Variants in SEMA4D observed in about 807,000 individuals in gnomAD.
SEMA4D encodes semaphorin-4D.
Under a neutral mutation model 74.8 loss-of-function variants are expected in SEMA4D, and 22 were observed. The observed-to-expected ratio is 0.29, with a 90% confidence interval of 0.21 to 0.42. The LOEUF (loss-of-function observed/expected upper bound fraction) is 0.42. Among genes scored for constraint, SEMA4D ranks in the 10% least tolerant of loss-of-function variants. SEMA4D has a pLI of 1.00. For missense variants in SEMA4D, 937 were observed against 1,118.4 expected, an observed-to-expected ratio of 0.84 and a Z score of 2.31; for synonymous variants, 445 against 463.7, an observed-to-expected ratio of 0.96 and a Z score of 0.52.
intron 2 of SEMA4D, among the ~76,000 whole-genome samples, chr9:89,449,278 G>C (rs1478627625): frequency 6.6e-6 from 1 of 152,244 alleles, no homozygotes; most frequent in African/African-American, 2.4e-5. Context: ...GCCTGATACG[G>C]TTGTTACAAG....
chr9:89,361,603 ATCG>A (rs1420842494), exon 19 of SEMA4D: 6 of 152,248 alleles, frequency 3.9e-5, no homozygotes, highest in African/African-American at 1.4e-4. Context: ...GACTCATTCC[ATCG>A]TCAAGAAATT....
At position 89,392,299 on chromosome 9, in the gene SEMA4D, C is replaced by G. The variant is rs984860677; in HGVS notation, c.622+124G>C. 5 of 692,128 alleles carry G rather than the reference C, an allele frequency of 7.2e-6. No homozygotes were observed. In the East Asian group the frequency reaches 1.3e-4, roughly 18 times the overall value. The allele number at this position is 692,128 out of a possible 1,614,324, so 42.9% of individuals were successfully genotyped here. ...GCTGGACAGTTTGGGAAGTATCCCC[C>G]ACAAACAGGGGCTAACACAAGCTCG... On this transcript the variant is annotated intron_variant, in intron 8 of 15. Coordinates refer to ENST00000422704, the MANE Select transcript of SEMA4D (RefSeq NM_001371194.2).
chr9:89,400,541 A>G (rs1395363797), intron 4 of SEMA4D, among the ~76,000 whole-genome samples: 2 of 152,216 alleles, frequency 1.3e-5, no homozygotes, highest in East Asian at 3.8e-4. Context: ...GAGTTCCTGA[A>G]CAGCACCCAG....
chr9:89,417,808 G>C (rs1008566426), intron 2 of SEMA4D, among the ~76,000 whole-genome samples: 2 of 152,212 alleles, frequency 1.3e-5, no homozygotes, highest in African/African-American at 4.8e-5. Flanking sequence ...AGAGAGCAGG[G>C]AAGAATAGGG....
intron 2 of SEMA4D, among the ~76,000 whole-genome samples, chr9:89,422,389 C>G (rs532924867): frequency 1.3e-5 from 2 of 152,226 alleles, no homozygotes; most frequent in East Asian, 3.8e-4. Context: ...CCACAGCAAC[C>G]GCACAGGACG....
At chr9:89,470,381 A>G (rs1588120029) in intron 1 of SEMA4D, among the ~76,000 whole-genome samples, 1 of 152,378 alleles carries the variant, frequency 6.6e-6, no homozygotes, top group South Asian at 2.1e-4. Context: ...GCACATGAAA[A>G]GATGTTTTAC....
intron 9 of SEMA4D, among the ~76,000 whole-genome samples, chr9:89,390,694 T>A (rs1839672608): frequency 6.6e-6 from 1 of 152,110 alleles, no homozygotes; most frequent in Non-Finnish European, 1.5e-5. Flanking sequence ...TTTCATGTGG[T>A]TTCCCCCAGC....
At chr9:89,461,376 G>A (rs1034487008) in intron 1 of SEMA4D, among the ~76,000 whole-genome samples, 1 of 152,168 alleles carries the variant, frequency 6.6e-6, no homozygotes, top group Admixed American at 6.5e-5. Context: ...CTGTGAAACT[G>A]AAAAGCGCCC....
At position 89,421,605 on chromosome 9, in the gene SEMA4D, TAC is replaced by T. The variant is rs537281655; in HGVS notation, c.-243-15908_-243-15907del. ...GTGTGTGTGCGTCTATGTGCATGGG[TAC>T]ACACAGATACAGCATAGAACGTTTT... On this transcript the variant is annotated intron_variant, in intron 2 of 15. Coordinates refer to ENST00000422704, the MANE Select transcript of SEMA4D (RefSeq NM_001371194.2). 4.5e-4 allele frequency among the ~76,000 whole-genome samples: 68 copies of T among 152,192 alleles called. 1 individual carries two copies. The highest frequency in any genetic ancestry group is 8.7e-4 in the Non-Finnish European group (59 of 68,034).
At chr9:89,458,143 C>G (rs1856394241) in intron 1 of SEMA4D, among the ~76,000 whole-genome samples, 1 of 152,204 alleles carries the variant, frequency 6.6e-6, no homozygotes, top group Non-Finnish European at 1.5e-5. Flanking sequence ...GGAGCCAGGG[C>G]AAGCCCACCA....
intron 1 of SEMA4D, among the ~76,000 whole-genome samples, chr9:89,464,019 C>G (rs1858020749): frequency 6.6e-6 from 1 of 151,910 alleles, no homozygotes; most frequent in Admixed American, 6.6e-5. Flanking sequence ...GCACTTTCTC[C>G]ACTTTCCACC....
In SEMA4D at chr9:89,377,295, A is replaced by T. The variant is rs1429596699; in HGVS notation, c.*1409T>A. The T allele has an allele frequency of 2.1e-6, 1 of 478,178 alleles. No individual in the cohort carries two copies. Among genetic ancestry groups the T allele is most frequent in the East Asian group, 3.6e-5 (1 of 27,806 alleles). The allele number at this position is 478,178 out of a possible 1,614,324, so 29.6% of individuals were successfully genotyped here. A position where few individuals can be genotyped will look rare whatever the true frequency, so the allele number is the denominator to read the frequency against. Reference sequence around the variant, plus strand: ...TCCAAATGTATACAATTCAAAGTAGAAAAATAAAAACAAGGTAAATCTTAT... The same window carrying T: ...TCCAAATGTATACAATTCAAAGTAGTAAAATAAAAACAAGGTAAATCTTAT... On this transcript the variant is annotated 3_prime_UTR_variant, in exon 16 of 16. Transcript: ENST00000422704.
intron 1 of SEMA4D, among the ~76,000 whole-genome samples, chr9:89,474,777 C>T (rs975861113): frequency 6.6e-6 from 1 of 152,268 alleles, no homozygotes; most frequent in African/African-American, 2.4e-5. Context: ...TCCCACACCA[C>T]CACGTTCCTC....
intron 2 of SEMA4D, among the ~76,000 whole-genome samples, chr9:89,452,061 T>A (rs937897874): frequency 6.6e-6 from 1 of 151,924 alleles, no homozygotes; most frequent in African/African-American, 2.4e-5. Flanking sequence ...TGGATCTGAG[T>A]GTGTTGAGGG....
rs766442093 is a variant in SEMA4D, at chr9:89,379,042, AGAG to A, written c.2248_2250del (p.Leu750del). 1.2e-6 allele frequency: 2 copies of A among 1,612,232 alleles called. No individual in the cohort carries two copies. The highest frequency in any genetic ancestry group is 2.2e-5 in the South Asian group (2 of 90,920). On this transcript the variant is annotated inframe_deletion, in exon 16 of 16. Transcript: ENST00000422704. Reference sequence around the variant, plus strand: ...TATCCCTTATAGCAGTTGTAGAAAAAGAGGCAGAGGAAGAGAACAAAGAAGAAG... The same window carrying A: ...TATCCCTTATAGCAGTTGTAGAAAAAGCAGAGGAAGAGAACAAAGAAGAAG...
At chr9:89,405,158 G>T (rs1196922569) in intron 3 of SEMA4D, among the ~76,000 whole-genome samples, 193 bp downstream of exon 3, 2 of 151,294 alleles carry the variant, frequency 1.3e-5, no homozygotes, top group Non-Finnish European at 2.9e-5. Flanking sequence ...CCCAGGAAGT[G>T]GGGTCCCCAT....
At chr9:89,485,811 A>AGG (rs1825153947) in intron 1 of SEMA4D, among the ~76,000 whole-genome samples, 1 of 109,692 alleles carries the variant, frequency 9.1e-6, no homozygotes. Flanking sequence ...AAAAAAAAAA[A>AGG]AAAGAAAAAA....
rs1035214316 is a variant in SEMA4D, at chr9:89,456,638, C to T, written c.-309-685G>A. 3.7e-4 allele frequency among the ~76,000 whole-genome samples: 56 copies of T among 152,174 alleles called. 2 individuals carry two copies. The highest frequency in any genetic ancestry group is 5.9e-5 in the Non-Finnish European group (4 of 68,024). ...AGTCTGTCTCCAGGCTGGAGCGCAG[C>T]GGCACGATCTCAGCTCACTGTAACC... On this transcript the variant is annotated intron_variant, in intron 1 of 15. Transcript: ENST00000422704.
At chr9:89,481,968 G>A (rs965445637) in intron 1 of SEMA4D, among the ~76,000 whole-genome samples, 4 of 152,260 alleles carry the variant, frequency 2.6e-5, no homozygotes, top group Admixed American at 6.5e-5. Context: ...CAAACCTGGT[G>A]AGAGGGTTTC....
Sources: gnomAD v4.1 joint callset for allele counts (sites outside exome capture counted in the v4.1 genomes callset) on GRCh38, gnomAD v4.1.1 for gene constraint, MANE v1.5 for transcripts, NCBI Gene and HGNC (gene_info 2026-07-23, HGNC 2026-07-21) for gene names.